The following MCU variants were observed in gnomAD, a reference collection of about 807,000 sequenced individuals.
The protein encoded by MCU is mitochondrial calcium uniporter, also known as calcium uniporter protein, mitochondrial.
MCU carries 12 observed loss-of-function variants against 45.2 expected under a neutral mutation model. That is an observed-to-expected ratio of 0.27 (90% CI 0.17 to 0.43). The LOEUF is 0.43. MCU is among the 20% of genes least tolerant of loss of function. The pLI, the probability that MCU is intolerant of heterozygous loss-of-function variation, is 1.00. For synonymous variants in MCU, 160 were observed against 165.1 expected, an observed-to-expected ratio of 0.97 and a Z score of 0.24; for missense variants, 324 against 436.7, an observed-to-expected ratio of 0.74 and a Z score of 2.30.
At chr10:72,826,171 G>GGT (rs2132822696) in intron 1 of MCU, among the ~76,000 whole-genome samples, 1 of 152,226 alleles carries the variant, frequency 6.6e-6, no homozygotes, top group African/African-American at 2.4e-5. Flanking sequence ...TCAGAGGTGG[G>GGT]GTTAGAGGTT....
At chr10:72,730,265 A>C (rs2921448) in intron 1 of MCU, among the ~76,000 whole-genome samples, 1 of 149,660 alleles carries the variant, frequency 6.7e-6, no homozygotes, top group Non-Finnish European at 1.5e-5. Context: ...CCAGCCTTCA[A>C]CATTCTTTTA....
chr10:72,821,136 A>G (rs1029862059), intron 1 of MCU, among the ~76,000 whole-genome samples: 1 of 152,080 alleles, frequency 6.6e-6, no homozygotes, highest in Admixed American at 6.6e-5. Flanking sequence ...ACTTCTGTTT[A>G]AGAGAAGTGA....
intron 2 of MCU, among the ~76,000 whole-genome samples, chr10:72,838,256 G>A (rs1454262663): frequency 2.0e-5 from 3 of 152,070 alleles, no homozygotes; most frequent in Non-Finnish European, 4.4e-5. Flanking sequence ...AAGAAAAATA[G>A]CCTTATCTAG....
chr10:72,741,115 T>A (rs1843324830), intron 1 of MCU, among the ~76,000 whole-genome samples: 3 of 115,208 alleles, frequency 2.6e-5, no homozygotes. Flanking sequence ...TTTTTTTTTT[T>A]GTGTGACGGA....
chr10:72,851,902 A>G (rs1354756120), intron 2 of MCU, among the ~76,000 whole-genome samples: 1 of 152,202 alleles, frequency 6.6e-6, no homozygotes, highest in African/African-American at 2.4e-5. Context: ...AGGAATGACC[A>G]AGGGCAGTTT....
At chr10:72,731,944 C>T (rs1843180562) in intron 1 of MCU, among the ~76,000 whole-genome samples, 2 of 152,130 alleles carry the variant, frequency 1.3e-5, no homozygotes, top group Non-Finnish European at 2.9e-5. Flanking sequence ...ATTTTTATTT[C>T]TCTTGGGTAT....
At chr10:72,787,514 C>G (rs944201625) in intron 1 of MCU, among the ~76,000 whole-genome samples, 4 of 151,954 alleles carry the variant, frequency 2.6e-5, no homozygotes, top group Non-Finnish European at 2.9e-5. Context: ...GGTAATCTGC[C>G]CACCTCAACC....
chr10:72,851,959 T>G (rs1845213300), intron 2 of MCU, among the ~76,000 whole-genome samples: 1 of 152,210 alleles, frequency 6.6e-6, no homozygotes. Context: ...TGTCTTTCAC[T>G]GTCATAATTT....
intron 1 of MCU, among the ~76,000 whole-genome samples, chr10:72,833,940 C>T (rs1355489809): frequency 6.6e-6 from 1 of 152,118 alleles, no homozygotes; most frequent in East Asian, 1.9e-4. Context: ...CTTAATAACT[C>T]TCATACCTGG....
chr10:72,833,889 C>T lies in MCU; in HGVS notation c.151-470C>T, dbSNP rs185075456. 1.2e-3 allele frequency among the ~76,000 whole-genome samples: 182 copies of T among 152,172 alleles called. 1 individual carries two copies. Among genetic ancestry groups the T allele is most frequent in the Middle Eastern group, 3.4e-3 (1 of 294 alleles). On this transcript the variant is annotated intron_variant, in intron 1 of 7. Transcript: ENST00000373053. Reference sequence around the variant, plus strand: ...TTAAAAAGGAGAGTGAACATAAAGACCAGATGCCTACTCAATAATAGTAAA... The same window carrying T: ...TTAAAAAGGAGAGTGAACATAAAGATCAGATGCCTACTCAATAATAGTAAA...
At chr10:72,826,788 T>C (rs1165411456) in intron 1 of MCU, among the ~76,000 whole-genome samples, 1 of 152,108 alleles carries the variant, frequency 6.6e-6, no homozygotes, top group Non-Finnish European at 1.5e-5. Context: ...ATTCTAGAAA[T>C]AATTAAGTTT....
At position 72,806,475 on chromosome 10, in the gene MCU, A is replaced by T. The variant is rs558680865; in HGVS notation, c.151-27884A>T. Among the ~76,000 whole-genome samples the T allele has an allele frequency of 7.2e-5, 11 of 152,266 alleles. 1 individual carries two copies. The South Asian group carries it at 2.3e-3, about 32-fold the overall frequency. On this transcript the variant is annotated intron_variant, in intron 1 of 7. Coordinates refer to ENST00000373053, the MANE Select transcript of MCU (RefSeq NM_138357.3). ...GCGCCCGGCATGAAGAGCTTTAAAG[A>T]CAGCTATGTGGAGGCCTTTGATTCA... is the stretch of plus-strand genomic sequence containing the variant.
chr10:72,798,090 G>A (rs1391735585), intron 1 of MCU, among the ~76,000 whole-genome samples: 1 of 151,922 alleles, frequency 6.6e-6, no homozygotes, highest in Non-Finnish European at 1.5e-5. Context: ...TATTACAGAG[G>A]TAATACATAC....
intron 1 of MCU, among the ~76,000 whole-genome samples, chr10:72,806,628 G>A (rs980387202): frequency 1.7e-4 from 26 of 152,252 alleles, no homozygotes; most frequent in African/African-American, 5.8e-4. Flanking sequence ...TGTAGGCAGC[G>A]GGGAAGAGGG....
intron 1 of MCU, among the ~76,000 whole-genome samples, chr10:72,743,917 T>C (rs1843372365): frequency 6.6e-6 from 1 of 152,160 alleles, no homozygotes; most frequent in Non-Finnish European, 1.5e-5. Context: ...TTCTATAGTA[T>C]AACTAAACTC....
chr10:72,694,395 T>TA (rs1473013971), intron 1 of MCU, among the ~76,000 whole-genome samples: 1 of 152,234 alleles, frequency 6.6e-6, no homozygotes, highest in Non-Finnish European at 1.5e-5. Flanking sequence ...TCATCTGAGA[T>TA]ATTCTCACCT....
intron 1 of MCU, among the ~76,000 whole-genome samples, chr10:72,706,618 A>T (rs146269740): frequency 6.6e-6 from 1 of 151,222 alleles, no homozygotes; most frequent in Non-Finnish European, 1.5e-5. Flanking sequence ...GCTTACTGCA[A>T]CCTCCACTTC....
chr10:72,813,603 C>T (rs1053123977), intron 1 of MCU, among the ~76,000 whole-genome samples: 2 of 151,892 alleles, frequency 1.3e-5, no homozygotes, highest in African/African-American at 4.8e-5. Context: ...GGATCACAGG[C>T]ATGCACCACC....
At chr10:72,709,677 A>G (rs1000827912) in intron 1 of MCU, among the ~76,000 whole-genome samples, 1 of 151,766 alleles carries the variant, frequency 6.6e-6, no homozygotes, top group Non-Finnish European at 1.5e-5. Flanking sequence ...GGTTTTGTTT[A>G]TTTATTTTCT....
Sources: allele counts gnomAD v4.1 joint callset (sites outside exome capture counted in the v4.1 genomes callset), GRCh38; gene constraint gnomAD v4.1.1; transcripts MANE v1.5; gene names NCBI Gene and HGNC (gene_info 2026-07-23, HGNC 2026-07-21).